COL1A2: variants seen among roughly 807,000 people sequenced by gnomAD.
COL1A2 encodes collagen type I alpha 2 chain.
A neutral mutation model predicts 174.3 loss-of-function variants in COL1A2; 49 were observed. The observed-to-expected ratio is 0.28, with a 90% CI of 0.22 to 0.36. The LOEUF is 0.36. Ranked by LOEUF, COL1A2 falls within the 10% of genes least tolerant of loss-of-function variation. The probability of loss-of-function intolerance (pLI) is 1.00; values close to 1 mark genes in which losing one functional copy is unlikely to be tolerated. For synonymous variants in COL1A2, 655 were observed against 606.6 expected (o/e 1.08, Z -1.17); for missense variants, 1,438 against 1,822.7 (o/e 0.79, Z 3.84).
chr7:94,426,567 C>A (rs1387479552), intron 46 of COL1A2, 37 bp downstream of exon 46: 1 of 1,475,452 alleles, frequency 6.8e-7, no homozygotes, highest in Non-Finnish European at 9.3e-7. Flanking sequence ...ATAAACTGAT[C>A]CTGAAGGCCT....
chr7:94,404,506 C>T, intron 6 of COL1A2, 50 bp from the exon 7 acceptor site: 1 of 1,600,128 alleles, frequency 6.2e-7, no homozygotes, highest in South Asian at 1.1e-5. Flanking sequence ...CCAGCCAACA[C>T]CATGACAACT....
Position 94,426,068 on chromosome 7 carries a change from G to T in COL1A2, c.2997+17G>T. ...GGTCCTAGTGTATGTACATGCTGAA[G>T]ATTTCTTTGCAACACTAACATTTAG... On this transcript the variant is annotated intron_variant, in intron 45 of 51. Transcript: ENST00000297268. 1 of 1,610,162 alleles carries T rather than the reference G, an allele frequency of 6.2e-7. No homozygotes were observed. The highest frequency in any genetic ancestry group is 1.7e-4 in the Middle Eastern group (1 of 6,052).
At position 94,424,197 on chromosome 7, in the gene COL1A2, A is replaced by G. The variant is rs1298912383; in HGVS notation, c.2566-139A>G. 2.8e-5 allele frequency: 20 copies of G among 704,874 alleles called. 1 individual carries two copies. The highest frequency in any genetic ancestry group is 4.8e-5 in the Non-Finnish European group (19 of 392,702). 43.7% of individuals were successfully genotyped at this position (704,874 alleles called of 1,614,324 possible). On this transcript the variant is annotated intron_variant, in intron 40 of 51. Coordinates refer to ENST00000297268, the MANE Select transcript of COL1A2 (RefSeq NM_000089.4). The stretch of plus-strand genomic sequence containing the variant: ...TCACCGTCATCACTAGAGAAAAGAT[A>G]TCCAAGGATATGTCCTAGTAATAGG...
intron 3 of COL1A2, among the ~76,000 whole-genome samples, chr7:94,398,657 A>G (rs1055325426): frequency 1.3e-5 from 2 of 151,994 alleles, no homozygotes; most frequent in Admixed American, 6.6e-5. Context: ...ACTTGTTTTT[A>G]TTCTGGAGAT....
At chr7:94,409,943 A>T in intron 19 of COL1A2, 122 bp downstream of exon 19, 2 of 1,006,592 alleles carry the variant, frequency 2.0e-6, no homozygotes, top group Non-Finnish European at 3.1e-6. Context: ...TAGCATTTTT[A>T]GTTTATATTT....
Position 94,427,867 on chromosome 7 carries a change from C to T in COL1A2, c.3508C>T (p.His1170Tyr). The T allele has an allele frequency of 6.2e-7, 1 of 1,614,144 alleles. No individual in the cohort carries two copies. The highest frequency in any genetic ancestry group is 2.2e-5 in the East Asian group (1 of 44,862). ...CACATGCCGTGACTTGAGACTCAGC[C>T]ACCCAGAGTGGAGCAGTGGTAGGTC... ...ARTCRDLRLSHPEWSSGYYWI... is the reference protein window; with the variant it reads ...ARTCRDLRLSYPEWSSGYYWI... Residue 1170 changes from histidine to tyrosine, a missense_variant, in exon 49 of 52, where the codon CAC becomes TAC. By Grantham distance (83) the His-to-Tyr change is moderately conservative. Coordinates refer to ENST00000297268, the MANE Select transcript of COL1A2 (RefSeq NM_000089.4).
At chr7:94,402,577 G>C (rs1176766670) in intron 6 of COL1A2, among the ~76,000 whole-genome samples, 2 of 152,012 alleles carry the variant, frequency 1.3e-5, no homozygotes, top group East Asian at 1.9e-4. Flanking sequence ...AGAGAAGTTT[G>C]AAGGGAAAAA....
chr7:94,412,198 T>C, intron 24 of COL1A2, 77 bp downstream of exon 24: 1 of 1,218,126 alleles, frequency 8.2e-7, no homozygotes, highest in Non-Finnish European at 1.2e-6. Flanking sequence ...GTGGCTTATT[T>C]ATACATGAAC....
Position 94,420,195 on chromosome 7 carries a change from C to T in COL1A2, c.2080-38C>T, listed in dbSNP as rs564507849. ...CTCCCAGTTCTTTGAGCATCTATGT[C>T]AGGCACATTAACAGATTCATCTTTG... On this transcript the variant is annotated intron_variant, in intron 34 of 51. Transcript: ENST00000297268. 4.3e-6 allele frequency: 7 copies of T among 1,612,256 alleles called. No homozygotes were observed. The South Asian group carries it at 7.7e-5, about 18-fold the overall frequency.
intron 18 of COL1A2, 24 bp from the exon 19 acceptor site, chr7:94,409,699 A>T: frequency 6.2e-7 from 1 of 1,613,722 alleles, no homozygotes; most frequent in Non-Finnish European, 8.5e-7. Flanking sequence ...TCCCTAATGG[A>T]CCACACTGCA....
At chr7:94,407,667 A>G (rs1005107247) in intron 12 of COL1A2, among the ~76,000 whole-genome samples, 180 bp from the exon 13 acceptor site, 1 of 152,118 alleles carries the variant, frequency 6.6e-6, no homozygotes, top group Admixed American at 6.5e-5. Context: ...CTGAATAAAA[A>G]CTCATGTTAG....
At position 94,418,574 on chromosome 7, in the gene COL1A2, T is replaced by A. The variant is rs544582330; in HGVS notation, c.2025+22T>A. On this transcript the variant is annotated intron_variant, in intron 33 of 51. Transcript: ENST00000297268. ...TCGTGTGAGTAGAATTTTGTTTGTA[T>A]GTTTCTTCGTACTTGGATTTTTTTT... The A allele has an allele frequency of 2.5e-6, 4 of 1,600,746 alleles. No homozygotes were observed. In the East Asian group the frequency reaches 6.7e-5, roughly 27 times the overall value.
intron 36 of COL1A2, 47 bp from the exon 37 acceptor site, chr7:94,420,494 G>A (rs1225516568): frequency 1.9e-6 from 3 of 1,613,958 alleles, no homozygotes; most frequent in African/African-American, 1.3e-5. Context: ...AAGTTGGGGA[G>A]TAGAGTGGGT....
chr7:94,427,126 A>G, intron 47 of COL1A2, 62 bp from the exon 48 acceptor site: 1 of 1,604,050 alleles, frequency 6.2e-7, no homozygotes, highest in East Asian at 2.2e-5. Flanking sequence ...AGTGAGCCCC[A>G]GGCTGCTGCT....
Position 94,421,031 on chromosome 7 carries a change from C to G in COL1A2, c.2318C>G (p.Pro773Arg), listed in dbSNP as rs575478348. The G allele has an allele frequency of 6.2e-7, 1 of 1,614,142 alleles. No individual in the cohort carries two copies. ...TAGGGTCCAAATGGTCCCCCCGGTCCTGCTGGAAGTCGTGGTGATGGAGGC... is the reference window on the plus strand; with the variant it reads ...TAGGGTCCAAATGGTCCCCCCGGTCGTGCTGGAAGTCGTGGTGATGGAGGC... ...GPAGPNGPPG[P>R]AGSRGDGGPP... The change falls in exon 38 of 52, where the codon CCT (proline) becomes CGT (arginine). Residue 773 changes from proline to arginine, a missense_variant. By Grantham distance (103) the Pro-to-Arg change is moderately radical (BLOSUM62 -2). Transcript: ENST00000297268.
intron 33 of COL1A2, 22 bp from the exon 34 acceptor site, chr7:94,419,476 C>A: frequency 6.2e-7 from 1 of 1,613,598 alleles, no homozygotes; most frequent in Non-Finnish European, 8.5e-7. Flanking sequence ...ATTAATAAGA[C>A]ATGTTTCCTT....
At position 94,430,900 on chromosome 7, in the gene COL1A2, T is replaced by C. The variant is rs1792388410; in HGVS notation, c.*507T>C. The C allele has an allele frequency of 6.3e-6, 1 of 158,620 alleles. No homozygotes were observed. The highest frequency in any genetic ancestry group is 6.1e-5 in the Admixed American group (1 of 16,266). 9.8% of individuals were successfully genotyped at this position (158,620 alleles called of 1,614,324 possible). ...GCTAATTAATAGTATTTCAGATACT[T>C]GAAGAATGTTGATGGTGCTAGAAGA... is the stretch of plus-strand genomic sequence containing the variant. On this transcript the variant is annotated 3_prime_UTR_variant, in exon 52 of 52. Coordinates refer to ENST00000297268, the MANE Select transcript of COL1A2 (RefSeq NM_000089.4).
rs773650795 is a variant in COL1A2, at chr7:94,409,306, T to C, written c.793-16T>C. On this transcript the variant is annotated splice_polypyrimidine_tract_variant and intron_variant, in intron 16 of 51. Coordinates refer to ENST00000297268, the MANE Select transcript of COL1A2 (RefSeq NM_000089.4). ...TTATTTGCTGGTTAATTCCTTGGTT[T>C]AATTTCCTCTTTTAGGGTGAAATTG... The C allele has an allele frequency of 6.2e-7, 1 of 1,609,360 alleles. No homozygotes were observed. Among genetic ancestry groups the C allele is most frequent in the Admixed American group, 1.7e-5 (1 of 60,028 alleles).
chr7:94,422,865 T>C (rs1053881324), intron 39 of COL1A2, 92 bp from the exon 40 acceptor site: 15 of 1,438,248 alleles, frequency 1.0e-5, no homozygotes, highest in Non-Finnish European at 1.5e-5. Context: ...TGCATCACAT[T>C]GTTTGCATCT....
Sources: allele counts gnomAD v4.1 joint callset (sites outside exome capture counted in the v4.1 genomes callset), GRCh38; gene constraint gnomAD v4.1.1; transcripts MANE v1.5; gene names NCBI Gene and HGNC (gene_info 2026-07-23, HGNC 2026-07-21).